Variants in GYS2 observed in about 807,000 individuals in gnomAD.
The protein encoded by GYS2 is glycogen [starch] synthase, liver.
A neutral mutation model predicts 85.6 loss-of-function variants in GYS2; 80 were observed. That is an observed-to-expected ratio of 0.93 (90% CI 0.78 to 1.13). GYS2 has a LOEUF of 1.13. GYS2 is among the 50% of genes most tolerant of loss of function. The pLI is 0.00. For synonymous variants in GYS2, 328 were observed against 300.7 expected (o/e 1.09, Z -0.94); for missense variants, 881 against 854.9 (o/e 1.03, Z -0.38).
chr12:21,566,349 T>C (rs1944320492), intron 5 of GYS2, among the ~76,000 whole-genome samples: 1 of 151,726 alleles, frequency 6.6e-6, no homozygotes, highest in Non-Finnish European at 1.5e-5. Flanking sequence ...CACTATGTGA[T>C]CTTTTTTTTT....
At chr12:21,585,560 G>GA (rs36121025) in intron 1 of GYS2, among the ~76,000 whole-genome samples, 9,061 of 115,720 alleles carry the variant, frequency 0.078, 402 homozygotes, top group African/African-American at 0.1. Flanking sequence ...ACTCCACCAG[G>GA]AAAAAAAAAA....
chr12:21,546,518 A>C (rs1944042356), intron 11 of GYS2, 48 bp from the exon 12 acceptor site: 1 of 1,331,712 alleles, frequency 7.5e-7, no homozygotes, highest in Non-Finnish European at 1.1e-6. Context: ...AGGAGCAAGT[A>C]AAGTGAAAAA....
intron 11 of GYS2, 38 bp downstream of exon 11, chr12:21,558,162 G>A (rs757456814): frequency 1.8e-6 from 2 of 1,123,662 alleles, no homozygotes; most frequent in Non-Finnish European, 2.7e-6. Context: ...TATATTTTAA[G>A]TAAGTTTAAA....
intron 12 of GYS2, 94 bp downstream of exon 12, chr12:21,546,249 GA>G (rs1478427724): frequency 3.1e-5 from 28 of 913,664 alleles, no homozygotes; most frequent in Non-Finnish European, 4.2e-5. Context: ...AATCTTATTA[GA>G]AATTTAATAT....
At chr12:21,590,079 C>T (rs1944617802) in intron 1 of GYS2, among the ~76,000 whole-genome samples, 1 of 152,132 alleles carries the variant, frequency 6.6e-6, no homozygotes, top group African/African-American at 2.4e-5. Context: ...AATGCTACCC[C>T]ACTTGCAGCC....
chr12:21,568,840 T>C lies in GYS2; in HGVS notation c.823+25A>G, dbSNP rs1026533176. Reference sequence around the variant, plus strand: ...TGTAACATCATTCGGAACTGAAAGATAGGTGATCCAGGGATAATAATTACC... The same window carrying C: ...TGTAACATCATTCGGAACTGAAAGACAGGTGATCCAGGGATAATAATTACC... On this transcript the variant is annotated intron_variant, in intron 5 of 15. Transcript: ENST00000261195. 3.1e-6 allele frequency: 5 copies of C among 1,598,348 alleles called. 1 individual carries two copies. The Admixed American group carries it at 5.0e-5, about 16-fold the overall frequency.
intron 1 of GYS2, among the ~76,000 whole-genome samples, chr12:21,582,610 GATATAGAT>G (rs1565608538): frequency 4.0e-5 from 6 of 151,416 alleles, no homozygotes; most frequent in African/African-American, 9.7e-5. Flanking sequence ...TATAGATATA[GATATAGAT>G]ATAGATATAG....
At chr12:21,590,898 T>A (rs536923539) in intron 1 of GYS2, among the ~76,000 whole-genome samples, 2 of 151,916 alleles carry the variant, frequency 1.3e-5, no homozygotes, top group Non-Finnish European at 2.9e-5. Flanking sequence ...AAAAAAATAA[T>A]ATGAAGACTA....
At chr12:21,535,569 A>G (rs1186533640), downstream of GYS2, among the ~76,000 whole-genome samples, 3 of 152,142 alleles carry the variant, frequency 2.0e-5, no homozygotes, top group African/African-American at 7.2e-5. Context: ...TTTTTGTCTG[A>G]TTTGCTGCTT....
intron 1 of GYS2, among the ~76,000 whole-genome samples, chr12:21,594,681 C>A (rs1166307580): frequency 2.0e-5 from 3 of 152,054 alleles, no homozygotes; most frequent in Non-Finnish European, 4.4e-5. Flanking sequence ...CCAAAGCAAT[C>A]TACAGATTCT....
intron 1 of GYS2, among the ~76,000 whole-genome samples, chr12:21,598,250 A>AC (rs1944717582): frequency 6.6e-6 from 1 of 152,044 alleles, no homozygotes; most frequent in Non-Finnish European, 1.5e-5. Flanking sequence ...GGTGATGAAT[A>AC]CCCCAAATAC....
chr12:21,592,413 T>C (rs1254921636), intron 1 of GYS2, among the ~76,000 whole-genome samples: 2 of 152,002 alleles, frequency 1.3e-5, no homozygotes, highest in African/African-American at 4.8e-5. Flanking sequence ...TTATCTCACT[T>C]GTAAAGATAA....
chr12:21,566,013 A>G (rs527448994), intron 5 of GYS2, among the ~76,000 whole-genome samples: 1 of 152,312 alleles, frequency 6.6e-6, no homozygotes, highest in South Asian at 2.1e-4. Context: ...CATATGTTGT[A>G]TTCAGTTTTG....
rs942138609 is a variant in GYS2 at position 21,556,194 on chromosome 12, T to G, written c.1422+2006A>C. The stretch of plus-strand genomic sequence containing the variant: ...TTTTAATTTTTGTTTTTGTGTTTTT[T>G]GTGAGGCGGAGTCTCACTCTGTCAC... On this transcript the variant is annotated intron_variant, in intron 11 of 15. Coordinates refer to ENST00000261195, the MANE Select transcript of GYS2 (RefSeq NM_021957.4). Among the ~76,000 whole-genome samples the G allele has an allele frequency of 4.6e-5, 7 of 152,204 alleles. No homozygotes were observed. The East Asian group carries it at 7.7e-4, about 17-fold the overall frequency.
intron 11 of GYS2, among the ~76,000 whole-genome samples, chr12:21,555,282 T>A (rs1475635632): frequency 6.6e-6 from 1 of 152,116 alleles, no homozygotes; most frequent in Admixed American, 6.5e-5. Flanking sequence ...ATAATAATAC[T>A]AAAAAATCTA....
intron 1 of GYS2, among the ~76,000 whole-genome samples, chr12:21,589,129 A>G (rs921941006): frequency 1.3e-5 from 2 of 152,206 alleles, no homozygotes; most frequent in Non-Finnish European, 2.9e-5. Flanking sequence ...ATTTGCAACT[A>G]TGCATCTTAC....
At chr12:21,574,984 A>C (rs915099563) in intron 3 of GYS2, among the ~76,000 whole-genome samples, 1 of 152,248 alleles carries the variant, frequency 6.6e-6, no homozygotes, top group East Asian at 1.9e-4. Flanking sequence ...ATTTTCAATG[A>C]CTTGAAAACT....
chr12:21,562,404 A>G (rs1944264681), intron 7 of GYS2, among the ~76,000 whole-genome samples: 1 of 152,042 alleles, frequency 6.6e-6, no homozygotes, highest in Non-Finnish European at 1.5e-5. Context: ...TTCAGTCGGG[A>G]GAGGAGAGTG....
At chr12:21,585,036 G>A (rs1394470171) in intron 1 of GYS2, among the ~76,000 whole-genome samples, 1 of 152,162 alleles carries the variant, frequency 6.6e-6, no homozygotes, top group African/African-American at 2.4e-5. Flanking sequence ...CCAGAAGGCT[G>A]TGTATGCTCT....
Sources: allele counts gnomAD v4.1 joint callset (sites outside exome capture counted in the v4.1 genomes callset), GRCh38; gene constraint gnomAD v4.1.1; transcripts MANE v1.5; gene names NCBI Gene and HGNC (gene_info 2026-07-23, HGNC 2026-07-21).